Variants in MECOM observed in about 807,000 individuals in gnomAD.
MECOM encodes MDS1 and EVI1 complex locus, also known as histone-lysine N-methyltransferase MECOM.
A neutral mutation model predicts 116.3 loss-of-function variants in MECOM; 13 were observed. That is an observed-to-expected ratio of 0.11 (90% CI 0.07 to 0.18). MECOM has a LOEUF of 0.18. Among genes scored for constraint, MECOM ranks in the 10% least tolerant of loss-of-function variants. The pLI is 1.00. For synonymous variants in MECOM, 528 were observed against 535.2 expected (o/e 0.99, Z 0.19); for missense variants, 1,299 against 1,509.0 (o/e 0.86, Z 2.31).
intron 2 of MECOM, among the ~76,000 whole-genome samples, chr3:169,370,472 T>A (rs528149722): frequency 9.6e-4 from 146 of 151,800 alleles, no homozygotes; most frequent in Middle Eastern, 3.4e-3. Flanking sequence ...TTGGCAATAA[T>A]TTTTTTTAAT....
chr3:169,292,895 G>A (rs1714854864), intron 2 of MECOM, among the ~76,000 whole-genome samples: 1 of 152,092 alleles, frequency 6.6e-6, no homozygotes, highest in African/African-American at 2.4e-5. Flanking sequence ...TTGCCCCTGT[G>A]GTCATCTTGG....
At chr3:169,574,387 A>G (rs1764252502) in intron 1 of MECOM, among the ~76,000 whole-genome samples, 1 of 152,160 alleles carries the variant, frequency 6.6e-6, no homozygotes, top group Non-Finnish European at 1.5e-5. Context: ...AGAGTGAAGG[A>G]AGCTCCCTTT....
At chr3:169,434,353 T>C (rs1253017174) in intron 1 of MECOM, among the ~76,000 whole-genome samples, 1 of 152,154 alleles carries the variant, frequency 6.6e-6, no homozygotes, top group Non-Finnish European at 1.5e-5. Flanking sequence ...GAAATAATAG[T>C]AACAAGTTGA....
At chr3:169,612,397 GACTA>G (rs1414570744) in intron 1 of MECOM, among the ~76,000 whole-genome samples, 1 of 152,192 alleles carries the variant, frequency 6.6e-6, no homozygotes, top group Non-Finnish European at 1.5e-5. Flanking sequence ...TGAGCTTGAA[GACTA>G]ACTAAAATGT....
chr3:169,224,564 T>A lies in MECOM; in HGVS notation c.376-80732A>T, dbSNP rs144903535. On this transcript the variant is annotated intron_variant, in intron 2 of 16. Transcript: ENST00000651503. Reference sequence around the variant, plus strand: ...TTCAGTGGAATATCCTTTCCTTCAGTCATCATCTTCAGCTACCCAGTAAAC... The same window carrying A: ...TTCAGTGGAATATCCTTTCCTTCAGACATCATCTTCAGCTACCCAGTAAAC... Among the ~76,000 whole-genome samples the A allele has an allele frequency of 2.6e-3, 401 of 152,338 alleles. 3 individuals carry two copies. The highest frequency in any genetic ancestry group is 8.9e-3 in the African/African-American group (370 of 41,568).
At chr3:169,262,310 T>C (rs1472782016) in intron 2 of MECOM, among the ~76,000 whole-genome samples, 5 of 152,212 alleles carry the variant, frequency 3.3e-5, no homozygotes, top group Non-Finnish European at 7.4e-5. Flanking sequence ...TAAAATGCCC[T>C]TCCTGACCAA....
intron 1 of MECOM, among the ~76,000 whole-genome samples, chr3:169,495,744 C>T (rs1312706403): frequency 6.6e-6 from 1 of 152,152 alleles, no homozygotes; most frequent in Admixed American, 6.5e-5. Flanking sequence ...CTCACAAAAG[C>T]TCTTCAGTTT....
chr3:169,494,380 G>A (rs1049139442), intron 1 of MECOM, among the ~76,000 whole-genome samples: 3 of 151,990 alleles, frequency 2.0e-5, no homozygotes, highest in South Asian at 2.1e-4. Context: ...TACCAAGCCC[G>A]CTCTTTGCCT....
intron 2 of MECOM, among the ~76,000 whole-genome samples, chr3:169,372,256 A>G (rs1730264473): frequency 6.6e-6 from 1 of 152,108 alleles, no homozygotes; most frequent in African/African-American, 2.4e-5. Context: ...ATGAACACAA[A>G]GCCGGGTCTG....
At position 169,529,447 on chromosome 3, in the gene MECOM, C is replaced by T. The variant is rs1030786713; in HGVS notation, c.37+133889G>A. On this transcript the variant is annotated intron_variant, in intron 1 of 16. Transcript: ENST00000651503. ...ATCTCCACATTTGAAACAACTCTCC[C>T]GTTTAGCTTGCTAACAATTGCCAAG... Among the ~76,000 whole-genome samples, 7 of 152,290 alleles carry T rather than the reference C, an allele frequency of 4.6e-5. 1 individual carries two copies. The highest frequency in any genetic ancestry group is 1.7e-4 in the African/African-American group (7 of 41,562).
Position 169,102,015 on chromosome 3 carries a change from A to AG in MECOM, c.2771+44dup, listed in dbSNP as rs1723727208. 4 of 1,555,840 alleles carry AG rather than the reference A, an allele frequency of 2.6e-6. No homozygotes were observed. The Admixed American group carries it at 5.4e-5, about 21-fold the overall frequency. On this transcript the variant is annotated intron_variant, in intron 11 of 16. Coordinates refer to ENST00000651503, the MANE Select transcript of MECOM (RefSeq NM_004991.4). ...AAACAGCAAGACCTTTTGAAATCAG[A>AG]GGGGAGATTTCTGGAAAGTCAGCCA...
chr3:169,614,054 A>G (rs1178242230), intron 1 of MECOM, among the ~76,000 whole-genome samples: 1 of 151,590 alleles, frequency 6.6e-6, no homozygotes, highest in African/African-American at 2.4e-5. Flanking sequence ...TCACCATAAG[A>G]TTCTTCATTC....
At chr3:169,654,713 G>C (rs200160753) in intron 1 of MECOM, among the ~76,000 whole-genome samples, 2 of 151,962 alleles carry the variant, frequency 1.3e-5, no homozygotes, top group Non-Finnish European at 2.9e-5. Flanking sequence ...ATGATGAAAC[G>C]GCATGGAGGG....
At chr3:169,426,619 G>T (rs1264207654) in intron 1 of MECOM, among the ~76,000 whole-genome samples, 1 of 152,162 alleles carries the variant, frequency 6.6e-6, no homozygotes. Context: ...ATAGTTTTCT[G>T]CACTAATAGC....
intron 1 of MECOM, among the ~76,000 whole-genome samples, chr3:169,651,754 T>C (rs1774942870): frequency 6.6e-6 from 1 of 151,796 alleles, no homozygotes; most frequent in African/African-American, 2.4e-5. Context: ...TGTAACCAAA[T>C]ATCACTAGTA....
intron 12 of MECOM, 87 bp from the exon 13 acceptor site, chr3:169,095,332 C>T (rs916393295): frequency 2.6e-6 from 3 of 1,139,912 alleles, no homozygotes; most frequent in Non-Finnish European, 3.6e-6. Context: ...AAATCATCTC[C>T]ACTCATAAAA....
intron 1 of MECOM, among the ~76,000 whole-genome samples, chr3:169,427,572 C>G (rs929558361): frequency 6.6e-6 from 1 of 152,134 alleles, no homozygotes; most frequent in Non-Finnish European, 1.5e-5. Context: ...AACTGGTGAA[C>G]TTGATGTGGT....
intron 1 of MECOM, among the ~76,000 whole-genome samples, chr3:169,424,204 T>G (rs913123456): frequency 1.3e-5 from 2 of 152,114 alleles, no homozygotes; most frequent in African/African-American, 4.8e-5. Flanking sequence ...GCTCAATTTC[T>G]TAGTCTGACC....
intron 2 of MECOM, among the ~76,000 whole-genome samples, chr3:169,374,744 A>G (rs1433895531): frequency 6.6e-6 from 1 of 151,986 alleles, no homozygotes; most frequent in African/African-American, 2.4e-5. Flanking sequence ...AATTAGAAAG[A>G]ACATAAGGCT....
Sources: gnomAD v4.1 joint callset for allele counts (sites outside exome capture counted in the v4.1 genomes callset) on GRCh38, gnomAD v4.1.1 for gene constraint, MANE v1.5 for transcripts, NCBI Gene and HGNC (gene_info 2026-07-23, HGNC 2026-07-21) for gene names.